ABCD2: variants seen among roughly 807,000 people sequenced by gnomAD.
The protein encoded by ABCD2 is ATP binding cassette subfamily D member 2.
Under a neutral mutation model 70.9 loss-of-function variants are expected in ABCD2, and 36 were observed. The observed-to-expected ratio is 0.51, with a 90% CI of 0.39 to 0.67. ABCD2 has a LOEUF of 0.67. ABCD2 is among the 30% of genes least tolerant of loss of function. ABCD2 has a pLI of 0.00. For missense variants in ABCD2, 729 were observed against 890.2 expected (o/e 0.82, Z 2.30); for synonymous variants, 304 against 306.9 (o/e 0.99, Z 0.10).
chr12:39,593,240 T>G (rs1941770356), intron 6 of ABCD2, among the ~76,000 whole-genome samples: 1 of 152,098 alleles, frequency 6.6e-6, no homozygotes, highest in African/African-American at 2.4e-5. Flanking sequence ...CAGCTTTTAT[T>G]TTTTTGTTTT....
At chr12:39,603,027 C>T (rs1320662620) in intron 5 of ABCD2, among the ~76,000 whole-genome samples, 2 of 152,072 alleles carry the variant, frequency 1.3e-5, no homozygotes, top group Non-Finnish European at 2.9e-5. Flanking sequence ...CAAATTGCAG[C>T]TAAAAATACA....
chr12:39,533,312 A>G, the ABCD2 span, among the ~76,000 whole-genome samples: 1 of 152,246 alleles, frequency 6.6e-6, no homozygotes, highest in Non-Finnish European at 1.5e-5. Flanking sequence ...ACCTGTTTTA[A>G]ATATGCTTAT....
At chr12:39,533,073 G>C in the ABCD2 span, among the ~76,000 whole-genome samples, 7,249 of 152,070 alleles carry the variant, frequency 0.048, 224 homozygotes, top group East Asian at 0.14. Flanking sequence ...GCTGAGGCAG[G>C]AGAATCGCTT....
rs746256570 is a variant in ABCD2 at position 39,603,877 on chromosome 12, G to T, written c.1500+35C>A. The T allele has an allele frequency of 9.6e-6, 14 of 1,456,344 alleles. No homozygotes were observed. In the South Asian group the frequency reaches 1.6e-4, roughly 17 times the overall value. The allele number at this position is 1,456,344 out of a possible 1,614,324, so 90.2% of individuals were successfully genotyped here. On this transcript the variant is annotated intron_variant, in intron 5 of 9. Coordinates refer to ENST00000308666, the MANE Select transcript of ABCD2 (RefSeq NM_005164.4). ...CTGAGTTGTTTTGTATTAGTGTGAT[G>T]GCAACAATCAGAAGATTCTTGAATA... is the stretch of plus-strand genomic sequence containing the variant.
At chr12:39,582,462 A>G (rs1342223037) in intron 7 of ABCD2, among the ~76,000 whole-genome samples, 1 of 152,236 alleles carries the variant, frequency 6.6e-6, no homozygotes, top group East Asian at 1.9e-4. Flanking sequence ...TACATTTTTA[A>G]GTTTGGAAAA....
In ABCD2 at chr12:39,579,625, G is replaced by C. The variant is rs776261782; in HGVS notation, c.1793-6C>G. The C allele has an allele frequency of 6.3e-7, 1 of 1,592,130 alleles. No homozygotes were observed. Among genetic ancestry groups the C allele is most frequent in the Non-Finnish European group, 8.6e-7 (1 of 1,167,512 alleles). Reference sequence around the variant, plus strand: ...GTCCATAACAGCATCCCATCCTTAAGAAAATAAAAAAATATACATTTTTAT... The same window carrying C: ...GTCCATAACAGCATCCCATCCTTAACAAAATAAAAAAATATACATTTTTAT... On this transcript the variant is annotated splice_polypyrimidine_tract_variant and splice_region_variant and intron_variant, in intron 7 of 9. Coordinates refer to ENST00000308666, the MANE Select transcript of ABCD2 (RefSeq NM_005164.4).
intron 6 of ABCD2, among the ~76,000 whole-genome samples, chr12:39,599,496 G>A (rs551103282): frequency 2.0e-5 from 3 of 152,172 alleles, no homozygotes; most frequent in Non-Finnish European, 4.4e-5. Context: ...GTCACAAAAT[G>A]TTATCTATTT....
chr12:39,566,688 G>T (rs990795867), intron 9 of ABCD2, among the ~76,000 whole-genome samples: 8 of 152,188 alleles, frequency 5.3e-5, no homozygotes, highest in African/African-American at 1.7e-4. Flanking sequence ...GAATGTGTTT[G>T]CTCTTGCTCC....
chr12:39,596,515 A>G (rs988449570), intron 6 of ABCD2, among the ~76,000 whole-genome samples: 1 of 151,990 alleles, frequency 6.6e-6, no homozygotes, highest in African/African-American at 2.4e-5. Context: ...AAAGTATTTG[A>G]TCAGATTTAA....
Position 39,553,870 on chromosome 12 carries a change from G to A in ABCD2, c.*42C>T, listed in dbSNP as rs1172405405. ...ATGCAGTATAACAGAATGTCTTTGA[G>A]CCTTTATCTAATAATTAACTTTTAA... On this transcript the variant is annotated 3_prime_UTR_variant, in exon 10 of 10. Transcript: ENST00000308666. 4 of 1,423,336 alleles carry A rather than the reference G, an allele frequency of 2.8e-6. No individual in the cohort carries two copies. In the East Asian group the frequency reaches 7.4e-5, roughly 26 times the overall value. The allele number at this position is 1,423,336 out of a possible 1,614,324, so 88.2% of individuals were successfully genotyped here.
Position 39,617,125 on chromosome 12 carries a change from T to C in ABCD2, c.983A>G (p.Asp328Gly). 1.2e-6 allele frequency: 2 copies of C among 1,611,596 alleles called. No homozygotes were observed. The highest frequency in any genetic ancestry group is 2.2e-5 in the South Asian group (2 of 90,486). Reference protein sequence around the residue: ...QLQKSYKALADQMNLILSKRL... With the variant: ...QLQKSYKALAGQMNLILSKRL... ...TTTGGATAAAATGAGGTTCATCTGA[T>C]CTGCTAAAGCTTTGTAACTTTTCTG... The change falls in exon 2 of 10, where the codon GAT becomes GGT. Residue 328 changes from aspartate (D) to glycine (G), a missense_variant. Asp to Gly is a moderately conservative substitution (Grantham distance 94). Transcript: ENST00000308666.
chr12:39,551,239 TAA>T lies in ABCD2; in HGVS notation c.*2671_*2672del, dbSNP rs1941083058. 1 of 151,732 alleles carries T rather than the reference TAA, an allele frequency of 6.6e-6. No homozygotes were observed. The highest frequency in any genetic ancestry group is 2.1e-4 in the South Asian group (1 of 4,834). 9.4% of individuals were successfully genotyped at this position (151,732 alleles called of 1,614,324 possible). ...TAGAATCCAACTTATTTTTCAAGTT[TAA>T]GAGTTAACCTAAAGAATGCACATTT... is the stretch of plus-strand genomic sequence containing the variant. On this transcript the variant is annotated 3_prime_UTR_variant, in exon 10 of 10. Coordinates refer to ENST00000308666, the MANE Select transcript of ABCD2 (RefSeq NM_005164.4).
chr12:39,554,021 G>A lies in ABCD2; in HGVS notation c.2114C>T (p.Ser705Phe), dbSNP rs1295887385. ...TLSEEKQKLE[S>F]QLAGIPKMQQ... ...CATTTTGGGAATTCCAGCTAGCTGAGATTCTAGCTTTTGTTTTTCTTCACT... is the reference window on the plus strand; with the variant it reads ...CATTTTGGGAATTCCAGCTAGCTGAAATTCTAGCTTTTGTTTTTCTTCACT... The change falls in exon 10 of 10, where the codon TCT becomes TTT. Residue 705 changes from serine to phenylalanine, a missense_variant. Ser to Phe is a radical substitution (Grantham distance 155, BLOSUM62 -2). This residue lies in a region of ABCD2 where 289 missense variants were observed against 328.8 expected (regional missense o/e 0.88). Coordinates refer to ENST00000308666, the MANE Select transcript of ABCD2 (RefSeq NM_005164.4). The A allele has an allele frequency of 1.2e-6, 2 of 1,613,550 alleles. No individual in the cohort carries two copies. Among genetic ancestry groups the A allele is most frequent in the Non-Finnish European group, 1.7e-6 (2 of 1,179,794 alleles).
intron 7 of ABCD2, among the ~76,000 whole-genome samples, chr12:39,581,835 T>C (rs867952348): frequency 6.6e-6 from 1 of 152,202 alleles, no homozygotes; most frequent in Non-Finnish European, 1.5e-5. Context: ...CTCTGAGTCA[T>C]AATGTTGCCT....
At chr12:39,601,759 AAG>A (rs1941900315) in intron 5 of ABCD2, among the ~76,000 whole-genome samples, 3 of 152,144 alleles carry the variant, frequency 2.0e-5, no homozygotes, top group Non-Finnish European at 4.4e-5. Context: ...TCAAAGATGA[AAG>A]AGTATTATTA....
intron 9 of ABCD2, among the ~76,000 whole-genome samples, chr12:39,562,498 A>G (rs2120551549): frequency 6.6e-6 from 1 of 152,216 alleles, no homozygotes; most frequent in South Asian, 2.1e-4. Context: ...AGATTAAAAA[A>G]GAGAAATTAT....
intron 9 of ABCD2, among the ~76,000 whole-genome samples, chr12:39,569,414 AC>A (rs1941412840): frequency 1.3e-5 from 2 of 152,034 alleles, no homozygotes; most frequent in Non-Finnish European, 2.9e-5. Context: ...TGGGCATAGT[AC>A]CCTCCGAGCC....
At chr12:39,548,283 G>A (rs926415785), downstream of ABCD2, among the ~76,000 whole-genome samples, 1 of 152,046 alleles carries the variant, frequency 6.6e-6, no homozygotes, top group African/African-American at 2.4e-5. Context: ...ATGTTTGGCA[G>A]GTTAGGTATA....
chr12:39,597,359 G>A (rs368292783), intron 6 of ABCD2, among the ~76,000 whole-genome samples: 198 of 152,246 alleles, frequency 1.3e-3, no homozygotes, highest in African/African-American at 4.7e-3. Flanking sequence ...ACAAGTAAAA[G>A]GGTGGGTTTA....
Sources: allele counts gnomAD v4.1 joint callset (sites outside exome capture counted in the v4.1 genomes callset), GRCh38; gene constraint gnomAD v4.1.1; regional missense constraint gnomAD v4.1.1; transcripts MANE v1.5; gene names NCBI Gene and HGNC (gene_info 2026-07-23, HGNC 2026-07-21).